The following LINGO2 variants were observed in gnomAD, a reference collection of about 807,000 sequenced individuals.
LINGO2 encodes the protein leucine-rich repeat and immunoglobulin-like domain-containing nogo receptor-interacting protein 2.
A neutral mutation model predicts 30.6 loss-of-function variants in LINGO2; 14 were observed. The observed-to-expected ratio is 0.46, with a 90% CI of 0.30 to 0.72. The LOEUF (loss-of-function observed/expected upper bound fraction) is 0.72. Among genes scored for constraint, LINGO2 ranks in the 30% least tolerant of loss-of-function variants. The pLI is 0.07. For missense variants in LINGO2, 729 were observed against 751.7 expected (o/e 0.97, Z 0.35); for synonymous variants, 317 against 288.5 (o/e 1.10, Z -1.00).
chr9:28,536,692 A>G (rs1165561209), intron 1 of LINGO2, among the ~76,000 whole-genome samples: 1 of 152,150 alleles, frequency 6.6e-6, no homozygotes, highest in Non-Finnish European at 1.5e-5. Context: ...TAGTTAAGAT[A>G]TCAACAACGA....
chr9:28,479,193 G>A (rs1825837093), intron 1 of LINGO2, among the ~76,000 whole-genome samples: 1 of 151,932 alleles, frequency 6.6e-6, no homozygotes, highest in Admixed American at 6.6e-5. Flanking sequence ...AGAATTTTGG[G>A]ATGGAAGAAT....
chr9:28,825,166 GT>G, the LINGO2 span, among the ~76,000 whole-genome samples: 2 of 151,968 alleles, frequency 1.3e-5, no homozygotes, highest in African/African-American at 2.4e-5. Flanking sequence ...TAAAGCAAAA[GT>G]TTTTTCTTTT....
intron 1 of LINGO2, among the ~76,000 whole-genome samples, chr9:28,632,820 TA>T (rs1827041912): frequency 9.6e-6 from 1 of 104,264 alleles, no homozygotes; most frequent in Admixed American, 1.4e-4. Context: ...GATCTATATA[TA>T]TTATATATTA....
intron 4 of LINGO2, among the ~76,000 whole-genome samples, chr9:28,092,851 A>C (rs1826136581): frequency 1.3e-5 from 2 of 152,094 alleles, no homozygotes; most frequent in Admixed American, 1.3e-4. Context: ...TTTATGACAT[A>C]GTATTATAAA....
chr9:28,066,254 T>C (rs1454690881), intron 4 of LINGO2, among the ~76,000 whole-genome samples: 1 of 152,110 alleles, frequency 6.6e-6, no homozygotes, highest in African/African-American at 2.4e-5. Flanking sequence ...ACACTCACAA[T>C]ACATCTGTGA....
chr9:27,987,272 A>G (rs1821169795), intron 5 of LINGO2, among the ~76,000 whole-genome samples: 1 of 151,604 alleles, frequency 6.6e-6, no homozygotes, highest in Non-Finnish European at 1.5e-5. Context: ...TAGTCAGGAT[A>G]TTTCCCTCCC....
chr9:28,875,851 C>T, the LINGO2 span, among the ~76,000 whole-genome samples: 2 of 152,070 alleles, frequency 1.3e-5, no homozygotes, highest in African/African-American at 4.8e-5. Flanking sequence ...TCTAATCGAT[C>T]TTTATATTTC....
At chr9:28,998,158 T>C in the LINGO2 span, among the ~76,000 whole-genome samples, 3 of 152,156 alleles carry the variant, frequency 2.0e-5, no homozygotes, top group Admixed American at 6.5e-5. Flanking sequence ...TTTGAGGATA[T>C]TGAAAGGCTT....
At chr9:28,844,838 T>A in the LINGO2 span, among the ~76,000 whole-genome samples, 2 of 151,976 alleles carry the variant, frequency 1.3e-5, no homozygotes, top group African/African-American at 4.8e-5. Flanking sequence ...GAAACATGCA[T>A]TATTATAATT....
intron 4 of LINGO2, among the ~76,000 whole-genome samples, chr9:28,043,469 TGA>T (rs1303069426): frequency 6.6e-6 from 1 of 152,206 alleles, no homozygotes; most frequent in Non-Finnish European, 1.5e-5. Context: ...GGTGAGGGGT[TGA>T]GAGACTGGAA....
chr9:28,731,237 C>T, the LINGO2 span, among the ~76,000 whole-genome samples: 1 of 152,064 alleles, frequency 6.6e-6, no homozygotes, highest in Non-Finnish European at 1.5e-5. Flanking sequence ...GATCCACCCG[C>T]CTCGGCCTCC....
chr9:28,721,962 T>C, the LINGO2 span, among the ~76,000 whole-genome samples: 1 of 152,090 alleles, frequency 6.6e-6, no homozygotes, highest in Non-Finnish European at 1.5e-5. Context: ...AAGAACATTG[T>C]ATTATATACG....
chr9:28,391,017 C>T (rs193106913), intron 2 of LINGO2, among the ~76,000 whole-genome samples: 4 of 152,262 alleles, frequency 2.6e-5, no homozygotes, highest in Admixed American at 6.5e-5. Flanking sequence ...ATACACGACT[C>T]CCAGACATGT....
chr9:28,253,962 G>T (rs974222558), intron 4 of LINGO2, among the ~76,000 whole-genome samples: 1 of 152,060 alleles, frequency 6.6e-6, no homozygotes, highest in African/African-American at 2.4e-5. Flanking sequence ...CTGTGAAGTG[G>T]GAAGCGTACT....
At chr9:28,545,947 G>A (rs1201736196) in intron 1 of LINGO2, among the ~76,000 whole-genome samples, 1 of 151,966 alleles carries the variant, frequency 6.6e-6, no homozygotes, top group Non-Finnish European at 1.5e-5. Context: ...ATACCATACA[G>A]TTTTCTGTAG....
intron 4 of LINGO2, among the ~76,000 whole-genome samples, chr9:28,082,460 T>C (rs895583693): frequency 6.2e-5 from 9 of 145,190 alleles, no homozygotes; most frequent in African/African-American, 2.2e-4. Context: ...CACATCTTAA[T>C]ACAATTTTTT....
At chr9:29,170,563 C>G in the LINGO2 span, among the ~76,000 whole-genome samples, 1 of 152,024 alleles carries the variant, frequency 6.6e-6, no homozygotes. Flanking sequence ...TATAACACAA[C>G]TCACTTGTAT....
chr9:28,769,132 G>C, the LINGO2 span, among the ~76,000 whole-genome samples: 1 of 151,244 alleles, frequency 6.6e-6, no homozygotes. Flanking sequence ...TTTTTTAAGG[G>C]TATTCTATAT....
intron 4 of LINGO2, among the ~76,000 whole-genome samples, chr9:28,267,607 G>T (rs1822797821): frequency 6.6e-6 from 1 of 151,982 alleles, no homozygotes; most frequent in Admixed American, 6.6e-5. Context: ...TCTGTAGCCT[G>T]CATGTCACCT....
Sources: gnomAD v4.1 joint callset for allele counts (sites outside exome capture counted in the v4.1 genomes callset) on GRCh38, gnomAD v4.1.1 for gene constraint, MANE v1.5 for transcripts, NCBI Gene and HGNC (gene_info 2026-07-23, HGNC 2026-07-21) for gene names.